The following COL13A1 variants were observed in gnomAD, a reference collection of about 807,000 sequenced individuals.
COL13A1 encodes collagen type XIII alpha 1 chain, also known as collagen alpha-1(XIII) chain.
COL13A1 carries 89 observed loss-of-function variants against 130.9 expected under a neutral mutation model. The ratio of observed to expected loss-of-function variants is 0.68; its 90% CI spans 0.57 to 0.81. The LOEUF (loss-of-function observed/expected upper bound fraction) is 0.81, where lower values mean the gene tolerates loss of function less well. COL13A1 is among the 30% of genes least tolerant of loss of function. COL13A1 has a pLI of 0.00. For synonymous variants in COL13A1, 402 were observed against 341.6 expected (o/e 1.18, Z -1.95); for missense variants, 879 against 934.6 (o/e 0.94, Z 0.78).
chr10:69,923,730 C>T, intron 23 of COL13A1, 72 bp from the exon 24 acceptor site: 1 of 1,550,306 alleles, frequency 6.5e-7, no homozygotes, highest in Non-Finnish European at 8.8e-7. Context: ...AGCGGCAAGA[C>T]CATCTTTTCC....
chr10:69,821,647 G>A (rs1170796394), intron 1 of COL13A1, among the ~76,000 whole-genome samples: 1 of 152,220 alleles, frequency 6.6e-6, no homozygotes, highest in Non-Finnish European at 1.5e-5. Flanking sequence ...TTTGTTGCAA[G>A]AATCAAGTAA....
In COL13A1 at chr10:69,880,518, G is replaced by A. The variant is rs144774788; in HGVS notation, c.478G>A (p.Ala160Thr). 14,108 of 1,613,006 alleles carry A rather than the reference G, an allele frequency of 8.7e-3. 83 individuals are homozygous for A. The highest frequency in any genetic ancestry group is 0.015 in the African/African-American group (1,137 of 74,960). Residue 160 changes from alanine (A) to threonine (T), a missense_variant, in exon 7 of 41, where the codon GCT becomes ACT. Ala to Thr is a moderately conservative substitution (Grantham distance 58). Around this residue, in one of 3 missense-constraint regions of COL13A1, gnomAD observed 715 missense variants for 721.0 expected, o/e 0.99. Coordinates refer to ENST00000645393, the MANE Select transcript of COL13A1 (RefSeq NM_001368882.1). Reference sequence around the variant, plus strand: ...CTCCCCGCAGGGGTCCCCCGGAGACGCTGGGCTGTCCATCATTGGTCCCCG... The same window carrying A: ...CTCCCCGCAGGGGTCCCCCGGAGACACTGGGCTGTCCATCATTGGTCCCCG... ...QPGEKGSPGD[A>T]GLSIIGPRGP...
intron 2 of COL13A1, among the ~76,000 whole-genome samples, chr10:69,847,352 T>C (rs1315025052): frequency 6.6e-6 from 1 of 152,198 alleles, no homozygotes; most frequent in African/African-American, 2.4e-5. Flanking sequence ...AACACACATT[T>C]CTGAACTGCT....
intron 3 of COL13A1, 25 bp from the exon 4 acceptor site, chr10:69,872,159 A>G: frequency 6.2e-7 from 1 of 1,614,008 alleles, no homozygotes; most frequent in East Asian, 2.2e-5. Flanking sequence ...TGCCTGACCT[A>G]CGTAAACGTC....
At chr10:69,829,688 C>G (rs1802245515) in intron 2 of COL13A1, among the ~76,000 whole-genome samples, 1 of 152,240 alleles carries the variant, frequency 6.6e-6, no homozygotes, top group South Asian at 2.1e-4. Flanking sequence ...ACCCCCACCC[C>G]CCACAGCCAT....
intron 1 of COL13A1, among the ~76,000 whole-genome samples, chr10:69,807,885 T>G (rs1380751212): frequency 2.6e-5 from 4 of 152,168 alleles, no homozygotes; most frequent in African/African-American, 4.8e-5. Flanking sequence ...TGCCCTGCTC[T>G]CCATTCCAGG....
intron 25 of COL13A1, 140 bp from the exon 26 acceptor site, chr10:69,925,664 C>T: frequency 1.6e-6 from 1 of 639,464 alleles, no homozygotes; most frequent in Non-Finnish European, 2.8e-6. Flanking sequence ...TGTTCAGAAT[C>T]CCCAGGGCCC....
At chr10:69,949,933 T>TGTGTGTTTGTGTGTGC (rs1287831904) in intron 38 of COL13A1, among the ~76,000 whole-genome samples, 11 of 106,594 alleles carry the variant, frequency 1.0e-4, no homozygotes, top group African/African-American at 5.0e-4. Flanking sequence ...CGCATGTTTG[T>TGTGTGTTTGTGTGTGC]GTGTGTGTGT....
chr10:69,836,421 G>T (rs905710977), intron 2 of COL13A1, among the ~76,000 whole-genome samples: 5 of 152,220 alleles, frequency 3.3e-5, no homozygotes, highest in African/African-American at 1.2e-4. Context: ...TCAGATCTGG[G>T]ACTCAGAAGG....
At chr10:69,940,827 C>T (rs1387329552) in intron 34 of COL13A1, among the ~76,000 whole-genome samples, 161 bp from the exon 35 acceptor site, 3 of 152,190 alleles carry the variant, frequency 2.0e-5, no homozygotes, top group African/African-American at 4.8e-5. Context: ...AATACCATTC[C>T]GTGTCCTCCC....
intron 7 of COL13A1, among the ~76,000 whole-genome samples, chr10:69,883,431 C>T (rs1233233621): frequency 6.6e-6 from 1 of 152,234 alleles, no homozygotes; most frequent in African/African-American, 2.4e-5. Context: ...GACACACCTA[C>T]TGAGTGTGTC....
chr10:69,838,807 C>T (rs566504754), intron 2 of COL13A1, among the ~76,000 whole-genome samples: 7 of 152,348 alleles, frequency 4.6e-5, no homozygotes, highest in Admixed American at 2.0e-4. Context: ...TGGGGTGAGG[C>T]GTGGCTTCTG....
intron 13 of COL13A1, chr10:69,897,559 C>T (rs751089821): frequency 2.5e-5 from 41 of 1,611,608 alleles, no homozygotes; most frequent in Non-Finnish European, 3.5e-5. Context: ...GGTCTCCGGG[C>T]CCCTCTCCAC....
rs148449749 is a variant in COL13A1 at position 69,945,056 on chromosome 10, A to G, written c.1969-615A>G. Reference sequence around the variant, plus strand: ...AGGGTGGAGGGTGTCAGCTGAGTGGAGGCAGGGGAGCTGTGTCTTTCTATA... The same window carrying G: ...AGGGTGGAGGGTGTCAGCTGAGTGGGGGCAGGGGAGCTGTGTCTTTCTATA... On this transcript the variant is annotated intron_variant, in intron 36 of 40. Transcript: ENST00000645393. 3.2e-3 allele frequency among the ~76,000 whole-genome samples: 483 copies of G among 152,266 alleles called. 4 individuals are homozygous for G. The highest frequency in any genetic ancestry group is 0.01 in the Middle Eastern group (3 of 294).
chr10:69,810,262 G>T (rs1439387923), intron 1 of COL13A1, among the ~76,000 whole-genome samples: 4 of 152,078 alleles, frequency 2.6e-5, no homozygotes, highest in African/African-American at 4.8e-5. Context: ...TGCTGCAGAT[G>T]TCTGTGGGTA....
chr10:69,925,153 A>G (rs1018273481), intron 25 of COL13A1, 146 bp downstream of exon 25: 2 of 798,502 alleles, frequency 2.5e-6, no homozygotes, highest in African/African-American at 3.6e-5. Context: ...GCCTTTTGCC[A>G]AAGATGATTT....
intron 31 of COL13A1, among the ~76,000 whole-genome samples, chr10:69,933,135 C>CAAAAAA (rs34323794): frequency 6.5e-4 from 29 of 44,428 alleles, no homozygotes; most frequent in East Asian, 2.0e-3. Context: ...GACTCTGCCT[C>CAAAAAA]AAAAAAAAAA....
In COL13A1 at chr10:69,919,699, C is replaced by A. The variant is rs2064377197; in HGVS notation, c.1061C>A (p.Pro354Gln). 1 of 398,848 alleles carries A rather than the reference C, an allele frequency of 2.5e-6. No homozygotes were observed. The allele number at this position is 398,848 out of a possible 1,614,324, so 24.7% of individuals were successfully genotyped here. A position where few individuals can be genotyped will look rare whatever the true frequency, so the allele number is the denominator to read the frequency against. ...GGAGCAGAAGGGAAGCCGGGGCCCCCAGGTTTGCTGGGAAAGAGGGGGCAG... is the reference window on the plus strand; with the variant it reads ...GGAGCAGAAGGGAAGCCGGGGCCCCAAGGTTTGCTGGGAAAGAGGGGGCAG... ...DPGAEGKPGP[P>Q]GLLGKRGQRG... Residue 354 changes from proline to glutamine, a missense_variant, in exon 21 of 41, where the codon CCA becomes CAA. By Grantham distance (76) the Pro-to-Gln change is moderately conservative. This residue lies in a region of COL13A1 where 715 missense variants were observed against 721.0 expected (regional missense o/e 0.99). Coordinates refer to ENST00000645393, the MANE Select transcript of COL13A1 (RefSeq NM_001368882.1).
At chr10:69,826,336 C>T (rs906258006) in intron 2 of COL13A1, among the ~76,000 whole-genome samples, 3 of 152,174 alleles carry the variant, frequency 2.0e-5, no homozygotes, top group African/African-American at 7.2e-5. Context: ...ACTTCGCTGT[C>T]GGAGCCTCAT....
Sources: allele counts gnomAD v4.1 joint callset (sites outside exome capture counted in the v4.1 genomes callset), GRCh38; gene constraint gnomAD v4.1.1; regional missense constraint gnomAD v4.1.1; transcripts MANE v1.5; gene names NCBI Gene and HGNC (gene_info 2026-07-23, HGNC 2026-07-21).